PTPRE: variants seen among roughly 807,000 people sequenced by gnomAD.
The protein encoded by PTPRE is protein tyrosine phosphatase receptor type E.
PTPRE carries 51 observed loss-of-function variants against 102.0 expected under a neutral mutation model. The observed-to-expected ratio is 0.50, with a 90% CI of 0.40 to 0.63. The LOEUF (loss-of-function observed/expected upper bound fraction) is 0.63. PTPRE is among the 30% of genes least tolerant of loss of function. PTPRE has a pLI of 0.00. For missense variants in PTPRE, 752 were observed against 915.1 expected, an observed-to-expected ratio of 0.82 and a Z score of 2.30; for synonymous variants, 345 against 348.2, an observed-to-expected ratio of 0.99 and a Z score of 0.10.
At chr10:128,039,625 TCTC>T (rs1847503518) in intron 2 of PTPRE, among the ~76,000 whole-genome samples, 2 of 152,186 alleles carry the variant, frequency 1.3e-5, no homozygotes, top group Non-Finnish European at 2.9e-5. Context: ...TCAGATGTCT[TCTC>T]TAATTACAAG....
chr10:128,022,296 C>T (rs1157021526), intron 2 of PTPRE, among the ~76,000 whole-genome samples: 1 of 152,182 alleles, frequency 6.6e-6, no homozygotes, highest in African/African-American at 2.4e-5. Flanking sequence ...TGAGACAATG[C>T]CCAGTGAGGA....
chr10:127,974,000 G>T (rs1181760570), intron 1 of PTPRE, among the ~76,000 whole-genome samples: 1 of 152,200 alleles, frequency 6.6e-6, no homozygotes, highest in Non-Finnish European at 1.5e-5. Context: ...GGCCTCATTA[G>T]TCAGGAATCC....
intron 2 of PTPRE, 44 bp from the exon 3 acceptor site, chr10:128,040,831 G>T: frequency 6.6e-7 from 1 of 1,521,662 alleles, no homozygotes; most frequent in Non-Finnish European, 9.1e-7. Context: ...GGGTCCCACA[G>T]CTGCTGCTGG....
At chr10:127,921,651 C>T (rs1376467029) in intron 1 of PTPRE, among the ~76,000 whole-genome samples, 4 of 152,212 alleles carry the variant, frequency 2.6e-5, no homozygotes, top group African/African-American at 4.8e-5. Context: ...CCCAGCAGGG[C>T]TGTGCCTCAG....
chr10:127,942,664 G>A (rs1482734705), intron 1 of PTPRE, among the ~76,000 whole-genome samples: 3 of 152,226 alleles, frequency 2.0e-5, no homozygotes, highest in Non-Finnish European at 4.4e-5. Context: ...GGTCCCTAGA[G>A]TAGTCAAATT....
chr10:128,038,366 A>T (rs1246940030), intron 2 of PTPRE, among the ~76,000 whole-genome samples: 4 of 152,230 alleles, frequency 2.6e-5, no homozygotes, highest in Non-Finnish European at 5.9e-5. Flanking sequence ...ACAGATGTTT[A>T]TTGCGGCACT....
rs6911 is a variant in PTPRE, at chr10:128,085,669, C to T, written c.*2763C>T. On this transcript the variant is annotated 3_prime_UTR_variant, in exon 21 of 21. Coordinates refer to ENST00000254667, the MANE Select transcript of PTPRE (RefSeq NM_006504.6). The stretch of plus-strand genomic sequence containing the variant: ...GTTTGTTTAACTAAGTTGTGTTTAA[C>T]TTATGTGCAGTCTTTATAATGTATG... 0.55 allele frequency: 83,136 copies of T among 152,238 alleles called. 22,880 individuals carry two copies. Among genetic ancestry groups the T allele is most frequent in the Admixed American group, 0.62 (9,454 of 15,272 alleles). 9.4% of individuals were successfully genotyped at this position (152,238 alleles called of 1,614,324 possible). A position where few individuals can be genotyped will look rare whatever the true frequency, so the allele number is the denominator to read the frequency against.
At chr10:127,989,662 A>G (rs1852437291) in intron 2 of PTPRE, among the ~76,000 whole-genome samples, 1 of 152,270 alleles carries the variant, frequency 6.6e-6, no homozygotes, top group Non-Finnish European at 1.5e-5. Context: ...CTGCCAAAAG[A>G]AAAACTTTTC....
intron 2 of PTPRE, among the ~76,000 whole-genome samples, chr10:128,005,944 A>G (rs1001820604): frequency 2.0e-5 from 3 of 151,060 alleles, no homozygotes; most frequent in Non-Finnish European, 4.4e-5. Flanking sequence ...TCCAGCTTCC[A>G]CCTCCATCTT....
intron 1 of PTPRE, among the ~76,000 whole-genome samples, chr10:127,914,176 A>T (rs1846048343): frequency 6.6e-6 from 1 of 152,146 alleles, no homozygotes; most frequent in African/African-American, 2.4e-5. Flanking sequence ...ACTGTGTGGC[A>T]TGCTGGCTCC....
chr10:127,938,629 A>G (rs1394362752), intron 1 of PTPRE, among the ~76,000 whole-genome samples: 1 of 152,228 alleles, frequency 6.6e-6, no homozygotes, highest in Non-Finnish European at 1.5e-5. Context: ...AAACATTTTT[A>G]GAATTGATAT....
chr10:128,066,867 C>T (rs1850137406), intron 11 of PTPRE, among the ~76,000 whole-genome samples: 1 of 152,138 alleles, frequency 6.6e-6, no homozygotes, highest in Non-Finnish European at 1.5e-5. Context: ...CAGAAATGTG[C>T]ACACAGGCGC....
At chr10:127,979,870 T>C (rs576715193) in intron 1 of PTPRE, among the ~76,000 whole-genome samples, 2 of 152,342 alleles carry the variant, frequency 1.3e-5, no homozygotes, top group African/African-American at 4.8e-5. Flanking sequence ...CTGCATGGCA[T>C]TGGGTTTTAT....
chr10:127,982,333 A>G, intron 2 of PTPRE, 37 bp downstream of exon 2: 2 of 1,153,938 alleles, frequency 1.7e-6, no homozygotes, highest in Non-Finnish European at 2.3e-6. Flanking sequence ...TTTTTGATGT[A>G]CAGATAACTA....
At position 128,084,972 on chromosome 10, in the gene PTPRE, T is replaced by A; in HGVS notation, c.*2066T>A. Reference sequence around the variant, plus strand: ...TAAGGTAGACCTTTTCAGGGTGCCCTCAGGAAAGGGCCCTGCTCATGTTTT... The same window carrying A: ...TAAGGTAGACCTTTTCAGGGTGCCCACAGGAAAGGGCCCTGCTCATGTTTT... On this transcript the variant is annotated 3_prime_UTR_variant, in exon 21 of 21. Transcript: ENST00000254667. The A allele has an allele frequency of 2.8e-6, 1 of 357,996 alleles. No individual in the cohort carries two copies. Among genetic ancestry groups the A allele is most frequent in the South Asian group, 2.0e-5 (1 of 48,980 alleles). The allele number at this position is 357,996 out of a possible 1,614,324, so 22.2% of individuals were successfully genotyped here.
At chr10:128,067,163 C>T (rs111174127) in intron 11 of PTPRE, among the ~76,000 whole-genome samples, 103 of 151,174 alleles carry the variant, frequency 6.8e-4, no homozygotes, top group African/African-American at 1.9e-3. Flanking sequence ...ACCCCACTCA[C>T]ATGCACACAT....
chr10:127,994,589 G>A (rs570464750), intron 2 of PTPRE, among the ~76,000 whole-genome samples: 1 of 152,326 alleles, frequency 6.6e-6, no homozygotes, highest in African/African-American at 2.4e-5. Flanking sequence ...TTAGGAGCAA[G>A]CTGGATATAA....
chr10:128,077,924 C>T (rs1434075750), intron 19 of PTPRE, 141 bp downstream of exon 19: 5 of 865,264 alleles, frequency 5.8e-6, no homozygotes, highest in African/African-American at 3.4e-5. Flanking sequence ...TCTCCTTACA[C>T]ACATGCACAC....
chr10:127,956,934 T>A (rs1849446139), intron 1 of PTPRE, among the ~76,000 whole-genome samples: 1 of 152,216 alleles, frequency 6.6e-6, no homozygotes, highest in Admixed American at 6.5e-5. Context: ...TTTCTTATTG[T>A]GAGTTTTAAG....
Sources: gnomAD v4.1 joint callset for allele counts (sites outside exome capture counted in the v4.1 genomes callset) on GRCh38, gnomAD v4.1.1 for gene constraint, MANE v1.5 for transcripts, NCBI Gene and HGNC (gene_info 2026-07-23, HGNC 2026-07-21) for gene names.